Variants in OR51B5 observed in about 807,000 individuals in gnomAD.
The protein encoded by OR51B5 is olfactory receptor family 51 subfamily B member 5, also known as olfactory receptor 51B5.
For synonymous variants in OR51B5, 186 were observed against 144.8 expected (o/e 1.28, Z -2.04); for missense variants, 456 against 374.6 (o/e 1.22, Z -1.79).
intron 1 of OR51B5, among the ~76,000 whole-genome samples, chr11:5,462,257 C>A (rs1352107897): frequency 6.6e-6 from 1 of 152,152 alleles, no homozygotes; most frequent in African/African-American, 2.4e-5. Context: ...CTCTCTGTTT[C>A]ATGGGCAAGA....
chr11:5,351,788 C>G (rs759686202), intron 1 of OR51B5: 6 of 1,613,954 alleles, frequency 3.7e-6, no homozygotes, highest in Non-Finnish European at 5.1e-6. Flanking sequence ...GGCCATGGAG[C>G]CTGCTTCTCT....
At chr11:5,430,704 T>C (rs765496852) in intron 1 of OR51B5, 3 of 456,562 alleles carry the variant, frequency 6.6e-6, no homozygotes, top group South Asian at 3.1e-5. Flanking sequence ...CCTGTCTTAT[T>C]GTCTGGGTCT....
intron 1 of OR51B5, among the ~76,000 whole-genome samples, chr11:5,411,914 G>A (rs553311657): frequency 6.6e-6 from 1 of 152,262 alleles, no homozygotes; most frequent in Non-Finnish European, 1.5e-5. Context: ...GCAAGAAAAT[G>A]GGTTTTCCCT....
chr11:5,430,790 G>A (rs1025503331), intron 1 of OR51B5: 7 of 457,178 alleles, frequency 1.5e-5, no homozygotes, highest in East Asian at 6.9e-5. Flanking sequence ...TGGACAATGG[G>A]AGAAGCATGT....
At chr11:5,399,964 G>A (rs1849942769) in intron 1 of OR51B5, among the ~76,000 whole-genome samples, 1 of 152,162 alleles carries the variant, frequency 6.6e-6, no homozygotes. Flanking sequence ...CAGCACACGG[G>A]AAGAACAGCT....
Position 5,343,120 on chromosome 11 carries a change from A to AG in OR51B5, c.404dup (p.Asn136Ter). On this transcript the variant is annotated frameshift_variant, in exon 1 of 1. Transcript: ENST00000300773. LOFTEE classifies it low-confidence loss of function (END_TRUNC). ...GCCCAATCTTCACTACTCGAGTATT[A>AG]GTAAGTACAGAGGTATATCTAAGAG... 1 of 1,613,462 alleles carries AG rather than the reference A, an allele frequency of 6.2e-7. No homozygotes were observed. Among genetic ancestry groups the AG allele is most frequent in the Non-Finnish European group, 8.5e-7 (1 of 1,179,604 alleles).
chr11:5,361,280 C>G (rs764521007), intron 1 of OR51B5, among the ~76,000 whole-genome samples: 4 of 152,140 alleles, frequency 2.6e-5, no homozygotes, highest in Non-Finnish European at 4.4e-5. Flanking sequence ...AGGAAGAAAC[C>G]TTAGCGACTC....
At chr11:5,408,287 C>G (rs373682930) in intron 1 of OR51B5, among the ~76,000 whole-genome samples, 1 of 151,850 alleles carries the variant, frequency 6.6e-6, no homozygotes, top group African/African-American at 2.4e-5. Context: ...TTATTTTATC[C>G]CATGTATTAG....
At chr11:5,389,438 CTAT>C in intron 1 of OR51B5, 2 of 1,613,904 alleles carry the variant, frequency 1.2e-6, no homozygotes, top group Non-Finnish European at 1.7e-6. Context: ...ATTCATGCTG[CTAT>C]CCAACATTAC....
upstream of OR51B5, among the ~76,000 whole-genome samples, chr11:5,345,370 AAAG>A (rs1389089802): frequency 1.3e-5 from 2 of 152,118 alleles, no homozygotes; most frequent in Non-Finnish European, 2.9e-5. Context: ...GAAATGAAAA[AAAG>A]AGAAAAATAG....
At chr11:5,434,795 G>A (rs1409269477) in intron 1 of OR51B5, among the ~76,000 whole-genome samples, 1 of 152,154 alleles carries the variant, frequency 6.6e-6, no homozygotes, top group Non-Finnish European at 1.5e-5. Context: ...CATATCAAGT[G>A]ACTTGCCTGA....
At chr11:5,377,261 C>A (rs1294816498) in intron 1 of OR51B5, among the ~76,000 whole-genome samples, 50 of 151,828 alleles carry the variant, frequency 3.3e-4, no homozygotes, top group African/African-American at 1.1e-3. Context: ...AATTCAACAA[C>A]CCTTCATGCT....
At position 5,501,000 on chromosome 11, in the gene OR51B5, G is replaced by A. The variant is rs1479390914; in HGVS notation, n.84+4569C>T. ...CCTTGATTGGCAAACTTGTCTGAAT[G>A]GGAAGAAGTTATAATGAATCATAAA... On this transcript the variant is annotated intron_variant and non_coding_transcript_variant, in intron 1 of 4. Coordinates refer to the OR51B5 transcript ENST00000415970. 2.7e-5 allele frequency among the ~76,000 whole-genome samples: 4 copies of A among 148,266 alleles called. 1 individual carries two copies. The highest frequency in any genetic ancestry group is 6.0e-5 in the Non-Finnish European group (4 of 66,262).
rs143024247 is a variant in OR51B5, at chr11:5,474,089, C to A, written n.84+31480G>T. 2.1e-3 allele frequency among the ~76,000 whole-genome samples: 321 copies of A among 152,086 alleles called. 1 individual carries two copies. The highest frequency in any genetic ancestry group is 7.2e-3 in the African/African-American group (300 of 41,488). On this transcript the variant is annotated intron_variant and non_coding_transcript_variant, in intron 1 of 4. Transcript: ENST00000415970. ...GATTTAACCTAATTACAAATATAAG[C>A]CATGGAAAATAATTACTATTTATTG...
chr11:5,377,382 TC>T (rs1170686324), intron 1 of OR51B5, among the ~76,000 whole-genome samples: 3 of 152,152 alleles, frequency 2.0e-5, no homozygotes, highest in African/African-American at 7.2e-5. Flanking sequence ...CTGGAAGCAT[TC>T]CCTTTGTAAA....
intron 1 of OR51B5, chr11:5,488,598 GATT>G (rs1851529996): frequency 1.1e-6 from 1 of 882,488 alleles, no homozygotes; most frequent in African/African-American, 1.7e-5. Context: ...GTCTAAAAAA[GATT>G]ATTTCACAGA....
intron 1 of OR51B5, among the ~76,000 whole-genome samples, chr11:5,374,420 A>G (rs958626066): frequency 4.6e-5 from 7 of 152,214 alleles, no homozygotes; most frequent in Non-Finnish European, 8.8e-5. Flanking sequence ...TAAAAAGCAG[A>G]GCACCTTTCC....
intron 1 of OR51B5, among the ~76,000 whole-genome samples, chr11:5,480,629 A>C (rs1851403568): frequency 6.6e-6 from 1 of 152,076 alleles, no homozygotes; most frequent in Non-Finnish European, 1.5e-5. Context: ...ATAAAGAAAA[A>C]AAGACAGAAG....
At chr11:5,385,150 A>G (rs1589967094) in intron 1 of OR51B5, among the ~76,000 whole-genome samples, 2 of 152,212 alleles carry the variant, frequency 1.3e-5, no homozygotes, top group African/African-American at 4.8e-5. Flanking sequence ...TGCCTTGAAT[A>G]TTTTAATTAT....
Sources: allele counts gnomAD v4.1 joint callset (sites outside exome capture counted in the v4.1 genomes callset), GRCh38; gene constraint gnomAD v4.1.1; transcripts MANE v1.5; gene names NCBI Gene and HGNC (gene_info 2026-07-23, HGNC 2026-07-21).